The following SYT17 variants were observed in gnomAD, a reference collection of about 807,000 sequenced individuals.
The protein encoded by SYT17 is synaptotagmin 17, also known as synaptotagmin-17.
SYT17 carries 22 observed loss-of-function variants against 46.7 expected under a neutral mutation model. The ratio of observed to expected loss-of-function variants is 0.47; its 90% CI spans 0.34 to 0.67. The LOEUF is 0.67. Among genes scored for constraint, SYT17 ranks in the 30% least tolerant of loss-of-function variants. The pLI, the probability that SYT17 is intolerant of heterozygous loss-of-function variation, is 0.01. For synonymous variants in SYT17, 251 were observed against 248.4 expected, an observed-to-expected ratio of 1.01 and a Z score of -0.10; for missense variants, 519 against 612.8, an observed-to-expected ratio of 0.85 and a Z score of 1.62.
intron 5 of SYT17, among the ~76,000 whole-genome samples, chr16:19,209,486 G>A (rs926077516): frequency 1.3e-5 from 2 of 152,100 alleles, no homozygotes; most frequent in African/African-American, 2.4e-5. Flanking sequence ...TGAAAAGCCT[G>A]ACAATAACAG....
chr16:19,223,286 A>G, intron 6 of SYT17, 121 bp downstream of exon 6: 1 of 1,237,794 alleles, frequency 8.1e-7, no homozygotes, highest in Non-Finnish European at 1.1e-6. Context: ...TGAGGCAGGT[A>G]AATGATGCCA....
chr16:19,203,824 C>G (rs1399503841), intron 5 of SYT17, among the ~76,000 whole-genome samples: 1 of 152,222 alleles, frequency 6.6e-6, no homozygotes, highest in Admixed American at 6.5e-5. Flanking sequence ...GGGATACCTG[C>G]CCTGCTGTGG....
chr16:19,230,660 A>G (rs1195332976), intron 7 of SYT17, among the ~76,000 whole-genome samples: 1 of 152,204 alleles, frequency 6.6e-6, no homozygotes, highest in South Asian at 2.1e-4. Context: ...ATGTTCTTTC[A>G]TTGCCACTTT....
intron 5 of SYT17, among the ~76,000 whole-genome samples, chr16:19,204,696 T>G (rs113124782): frequency 6.6e-6 from 1 of 152,206 alleles, no homozygotes; most frequent in African/African-American, 2.4e-5. Flanking sequence ...AACATTCTGA[T>G]TCCCAGGCCC....
chr16:19,172,599 C>G, intron 1 of SYT17, 161 bp from the exon 2 acceptor site: 1 of 1,528,764 alleles, frequency 6.5e-7, no homozygotes, highest in Non-Finnish European at 8.7e-7. Context: ...AGGAAGTCAG[C>G]TCCCTTCCCA....
intron 5 of SYT17, among the ~76,000 whole-genome samples, chr16:19,196,624 G>A (rs187283463): frequency 6.6e-6 from 1 of 152,022 alleles, no homozygotes; most frequent in South Asian, 2.1e-4. Flanking sequence ...AGGGACAAAG[G>A]TTTCCCATAT....
In SYT17 at chr16:19,267,093, A is replaced by G; in HGVS notation, c.*17A>G. ...GTGACCTGAGGGCTGCAGGGAAGGCAGCTTTCATTTGTTTAAAAAAAAAAA... is the reference window on the plus strand; with the variant it reads ...GTGACCTGAGGGCTGCAGGGAAGGCGGCTTTCATTTGTTTAAAAAAAAAAA... On this transcript the variant is annotated 3_prime_UTR_variant, in exon 8 of 8. Transcript: ENST00000355377. 2 of 1,485,280 alleles carry G rather than the reference A, an allele frequency of 1.3e-6. No individual in the cohort carries two copies. The highest frequency in any genetic ancestry group is 1.8e-6 in the Non-Finnish European group (2 of 1,116,954). The allele number at this position is 1,485,280 out of a possible 1,614,324, so 92.0% of individuals were successfully genotyped here.
Position 19,180,391 on chromosome 16 carries a change from G to A in SYT17, c.183G>A (p.Leu61=). The change falls in exon 4 of 8, where the codon CTG becomes CTA. Residue 61 remains leucine, a splice_region_variant and synonymous_variant. Transcript: ENST00000355377. ...GPFPAQTPPW[L]MASRSSDKDG... is the part of the protein sequence containing the mutation. Reference sequence around the variant, plus strand: ...ACTGAGACCTCTTCCCTTCCTATAGGATGGCCAGCCGGAGCAGTGACAAGG... The same window carrying A: ...ACTGAGACCTCTTCCCTTCCTATAGAATGGCCAGCCGGAGCAGTGACAAGG... The A allele has an allele frequency of 6.2e-7, 1 of 1,614,084 alleles. No individual in the cohort carries two copies. The highest frequency in any genetic ancestry group is 8.5e-7 in the Non-Finnish European group (1 of 1,180,010).
chr16:19,183,688 C>G lies in SYT17; in HGVS notation c.492C>G (p.Leu164=), dbSNP rs11641594. 1.2e-6 allele frequency: 2 copies of G among 1,614,082 alleles called. No homozygotes were observed. Among genetic ancestry groups the G allele is most frequent in the South Asian group, 1.1e-5 (1 of 91,088 alleles). ...FRKFEPHLYS[L]DSNSDDVDSL... ...AGTTCGAACCCCACCTGTACTCCCT[C>G]GACTCCAACAGCGACGATGTGGACT... The change falls in exon 5 of 8, where the codon CTC becomes CTG. Residue 164 remains leucine, a synonymous_variant. Coordinates refer to ENST00000355377, the MANE Select transcript of SYT17 (RefSeq NM_016524.4). The surrounding 1 kb of genome is among the most constrained non-coding windows in gnomAD (Gnocchi z 5.6).
chr16:19,168,695 C>A lies in SYT17; in HGVS notation c.15+34C>A. The stretch of plus-strand genomic sequence containing the variant: ...GAGGCTGGGGGCAAGGTCCGGGGTG[C>A]GGGTAGGGGGTGCCGCGCCCCCTCC... On this transcript the variant is annotated intron_variant, in intron 1 of 7. Transcript: ENST00000355377. This position sits in a 1 kb window ranked among gnomAD's most constrained non-coding sequence, Gnocchi z 6.9. 2.7e-6 allele frequency: 4 copies of A among 1,478,144 alleles called. No homozygotes were observed. Among genetic ancestry groups the A allele is most frequent in the Non-Finnish European group, 2.7e-6 (3 of 1,110,316 alleles). The allele number at this position is 1,478,144 out of a possible 1,614,324, so 91.6% of individuals were successfully genotyped here.
intron 5 of SYT17, among the ~76,000 whole-genome samples, chr16:19,218,421 C>T (rs893883636): frequency 6.6e-6 from 1 of 152,184 alleles, no homozygotes; most frequent in Non-Finnish European, 1.5e-5. Context: ...AAAAGTACAA[C>T]CTGAAATCCC....
At chr16:19,226,649 C>T (rs1401571005) in intron 7 of SYT17, among the ~76,000 whole-genome samples, 1 of 152,194 alleles carries the variant, frequency 6.6e-6, no homozygotes, top group Admixed American at 6.5e-5. Context: ...GCCTCACTCT[C>T]TCCTAGGTTT....
intron 7 of SYT17, among the ~76,000 whole-genome samples, chr16:19,235,931 C>A (rs1471475490): frequency 6.6e-6 from 1 of 152,056 alleles, no homozygotes; most frequent in Non-Finnish European, 1.5e-5. Flanking sequence ...GTGGGGAGAC[C>A]TATGGAGAAA....
chr16:19,235,249 C>T (rs1228743116), intron 7 of SYT17, among the ~76,000 whole-genome samples: 3 of 152,058 alleles, frequency 2.0e-5, no homozygotes, highest in Admixed American at 6.6e-5. Flanking sequence ...CCAAGCTACA[C>T]AAGTGGATAT....
chr16:19,232,860 A>AAAC (rs1169866962), intron 7 of SYT17, among the ~76,000 whole-genome samples: 1 of 142,828 alleles, frequency 7.0e-6, no homozygotes, highest in East Asian at 1.9e-4. Flanking sequence ...ACAAACAAAC[A>AAAC]AACAAACTCT....
chr16:19,175,053 T>C (rs916346301), intron 3 of SYT17, among the ~76,000 whole-genome samples: 1 of 151,654 alleles, frequency 6.6e-6, no homozygotes, highest in Non-Finnish European at 1.5e-5. Flanking sequence ...CGCTTGAGCC[T>C]AGGAGGTTGA....
intron 5 of SYT17, among the ~76,000 whole-genome samples, chr16:19,217,913 C>T (rs1306727651): frequency 1.3e-5 from 2 of 152,226 alleles, no homozygotes; most frequent in Non-Finnish European, 2.9e-5. Flanking sequence ...ATCTTCCTTG[C>T]TCTCCACCAA....
At chr16:19,178,891 C>A (rs1964432081) in intron 3 of SYT17, among the ~76,000 whole-genome samples, 1 of 152,096 alleles carries the variant, frequency 6.6e-6, no homozygotes, top group African/African-American at 2.4e-5. Context: ...TAAAGCCACC[C>A]CAGTTGTAAT....
Position 19,173,497 on chromosome 16 carries a change from G to A in SYT17, c.101G>A (p.Cys34Tyr), listed in dbSNP as rs781100171. The A allele has an allele frequency of 2.5e-6, 4 of 1,613,184 alleles. No homozygotes were observed. The South Asian group carries it at 4.4e-5, about 18-fold the overall frequency. ...ACCTGCCGGCACTGCTGTCAGAAGTGCTACGAGTCCAGCTGTTGCCAGTCA... is the reference window on the plus strand; with the variant it reads ...ACCTGCCGGCACTGCTGTCAGAAGTACTACGAGTCCAGCTGTTGCCAGTCA... Reference protein sequence around the residue: ...RWTCRHCCQKCYESSCCQSSE... With the variant: ...RWTCRHCCQKYYESSCCQSSE... Residue 34 changes from cysteine to tyrosine, a missense_variant, in exon 3 of 8, where the codon TGC (cysteine) becomes TAC (tyrosine). Physicochemically the swap from Cys to Tyr is radical, Grantham distance 194. Coordinates refer to ENST00000355377, the MANE Select transcript of SYT17 (RefSeq NM_016524.4).
Sources: gnomAD v4.1 joint callset for allele counts (sites outside exome capture counted in the v4.1 genomes callset) on GRCh38, gnomAD v4.1.1 for gene constraint, Gnocchi (gnomAD v3.1) non-coding constraint, MANE v1.5 for transcripts, NCBI Gene and HGNC (gene_info 2026-07-23, HGNC 2026-07-21) for gene names.